The following IL1RAPL1 variants were observed in gnomAD, a reference collection of about 807,000 sequenced individuals.
IL1RAPL1 encodes the protein interleukin 1 receptor accessory protein like 1.
In IL1RAPL1, 3 loss-of-function variants were observed where a neutral mutation model predicts 48.4. That is an observed-to-expected ratio of 0.06 (90% CI 0.03 to 0.16). The LOEUF (loss-of-function observed/expected upper bound fraction) is 0.16. Ranked by LOEUF, IL1RAPL1 falls within the 10% of genes least tolerant of loss-of-function variation. The pLI is 1.00. For missense variants in IL1RAPL1, 349 were observed against 530.6 expected (o/e 0.66, Z 3.36); for synonymous variants, 185 against 187.7 (o/e 0.99, Z 0.12).
At chrX:29,872,395 T>G (rs1277707658) in intron 6 of IL1RAPL1, among the ~76,000 whole-genome samples, 1 of 111,785 alleles carries the variant, frequency 8.9e-6, no homozygotes, top group Non-Finnish European at 1.9e-5. Context: ...AGGGGAGATT[T>G]TTAGCTGAAT....
intron 1 of IL1RAPL1, among the ~76,000 whole-genome samples, chrX:28,721,979 G>C (rs1269018380): frequency 8.9e-6 from 1 of 111,857 alleles, no homozygotes; most frequent in Non-Finnish European, 1.9e-5. Flanking sequence ...CCAGTACCAT[G>C]CTGTTTTGGT....
intron 5 of IL1RAPL1, among the ~76,000 whole-genome samples, chrX:29,581,016 G>A (rs905040144): frequency 6.3e-5 from 7 of 111,705 alleles, no homozygotes; most frequent in African/African-American, 1.9e-4. Context: ...TCTAAAATAG[G>A]TTAAATGAGA....
intron 1 of IL1RAPL1, among the ~76,000 whole-genome samples, chrX:28,593,167 C>G (rs749229810): frequency 9.0e-6 from 1 of 111,625 alleles, no homozygotes; most frequent in Admixed American, 9.6e-5. Flanking sequence ...CATTGGTTTA[C>G]TAGGAAAGAT....
intron 3 of IL1RAPL1, among the ~76,000 whole-genome samples, chrX:29,297,841 A>G (rs1932472267): frequency 1.8e-5 from 2 of 112,124 alleles, no homozygotes; most frequent in South Asian, 7.3e-4. Context: ...TAAGATTTTA[A>G]TACAATTATT....
In IL1RAPL1 at chrX:29,536,303, A is replaced by G. The variant is rs1015027756; in HGVS notation, c.704-132127A>G. On this transcript the variant is annotated intron_variant, in intron 5 of 10. Transcript: ENST00000378993. ...CTTTGATTTTACAAATGAGATATGT[A>G]TGGACAAGAAAAATCTATTCATGAC... Among the ~76,000 whole-genome samples, 9 of 112,188 alleles carry G rather than the reference A, an allele frequency of 8.0e-5. No individual in the cohort carries two copies. The South Asian group carries it at 1.1e-3, about 14-fold the overall frequency.
At chrX:29,234,264 A>G (rs755336719) in intron 2 of IL1RAPL1, among the ~76,000 whole-genome samples, 2 of 91,512 alleles carry the variant, frequency 2.2e-5, no homozygotes, top group South Asian at 8.2e-4. Flanking sequence ...GTAAGCCACT[A>G]AATTTGTGGT....
At chrX:29,537,637 AAAAC>A (rs1418380769) in intron 5 of IL1RAPL1, among the ~76,000 whole-genome samples, 6 of 110,522 alleles carry the variant, frequency 5.4e-5, no homozygotes, top group African/African-American at 1.6e-4. Context: ...AAAAAAAAAA[AAAAC>A]AACCTGGTGA....
At chrX:29,038,430 G>C (rs1210957222) in intron 2 of IL1RAPL1, among the ~76,000 whole-genome samples, 1 of 111,554 alleles carries the variant, frequency 9.0e-6, no homozygotes, top group Non-Finnish European at 1.9e-5. Flanking sequence ...AATAGTAATA[G>C]AACACTAATA....
intron 2 of IL1RAPL1, among the ~76,000 whole-genome samples, chrX:29,123,005 TTTTATTTATTTATTTA>T (rs201703450): frequency 1.2e-4 from 12 of 101,719 alleles, no homozygotes; most frequent in Non-Finnish European, 1.6e-4. Flanking sequence ...GAATAGCACG[TTTTATTTATTTATTTA>T]TTTATTTATT....
intron 1 of IL1RAPL1, among the ~76,000 whole-genome samples, chrX:28,749,377 C>T (rs904400020): frequency 1.8e-5 from 2 of 111,799 alleles, no homozygotes; most frequent in African/African-American, 6.5e-5. Flanking sequence ...TACAGTCCCA[C>T]TAACATTTTG....
chrX:29,235,806 A>G (rs772889181), intron 2 of IL1RAPL1, among the ~76,000 whole-genome samples: 6 of 112,478 alleles, frequency 5.3e-5, no homozygotes, highest in East Asian at 2.8e-4. Flanking sequence ...AAGGAAGTAC[A>G]TGTGCTAGGC....
chrX:29,328,919 A>G (rs1018780279), intron 3 of IL1RAPL1, among the ~76,000 whole-genome samples: 1 of 111,348 alleles, frequency 9.0e-6, no homozygotes, highest in Non-Finnish European at 1.9e-5. Context: ...TAAAAGGTTA[A>G]TAAAATGGGC....
At chrX:29,914,843 G>C (rs1274963967) in intron 6 of IL1RAPL1, among the ~76,000 whole-genome samples, 4 of 112,598 alleles carry the variant, frequency 3.6e-5, no homozygotes, top group Non-Finnish European at 7.5e-5. Flanking sequence ...TATTCATTTT[G>C]TAATGTAAAT....
chrX:29,633,466 TATACACACACAC>T (rs1410833899), intron 5 of IL1RAPL1, among the ~76,000 whole-genome samples: 1 of 98,632 alleles, frequency 1.0e-5, no homozygotes, highest in East Asian at 3.3e-4. Flanking sequence ...TCGATATATA[TATACACACACAC>T]ACACACACAC....
chrX:29,542,582 T>C (rs6526877), intron 5 of IL1RAPL1, among the ~76,000 whole-genome samples: 41,609 of 111,069 alleles, frequency 0.37, 6,042 homozygotes, highest in East Asian at 0.71. Flanking sequence ...TCTGAATCCC[T>C]ATGGAGAGTA....
At chrX:29,308,757 A>G (rs1266136492) in intron 3 of IL1RAPL1, among the ~76,000 whole-genome samples, 1 of 112,296 alleles carries the variant, frequency 8.9e-6, no homozygotes, top group East Asian at 2.8e-4. Flanking sequence ...CTTGTAGCCC[A>G]CGATAGAAAT....
chrX:29,074,338 C>G (rs1927626449), intron 2 of IL1RAPL1, among the ~76,000 whole-genome samples: 1 of 111,459 alleles, frequency 9.0e-6, no homozygotes, highest in Non-Finnish European at 1.9e-5. Context: ...CTGGGCATAG[C>G]CTGCTTCCAA....
intron 3 of IL1RAPL1, among the ~76,000 whole-genome samples, chrX:29,323,159 G>A (rs1192045862): frequency 9.0e-6 from 1 of 110,767 alleles, no homozygotes; most frequent in Non-Finnish European, 1.9e-5. Flanking sequence ...TCAACTGTAT[G>A]GTCATCTTCA....
chrX:28,795,534 T>G, intron 2 of IL1RAPL1, among the ~76,000 whole-genome samples: 1 of 111,254 alleles, frequency 9.0e-6, no homozygotes, highest in Non-Finnish European at 1.9e-5. Context: ...ATCTTCCAAG[T>G]TGACTAAGAC....
Sources: gnomAD v4.1 joint callset for allele counts (sites outside exome capture counted in the v4.1 genomes callset) on GRCh38, gnomAD v4.1.1 for gene constraint, MANE v1.5 for transcripts, NCBI Gene and HGNC (gene_info 2026-07-23, HGNC 2026-07-21) for gene names.